The following MCM9 variants were observed in gnomAD, a reference collection of about 807,000 sequenced individuals.
The protein encoded by MCM9 is minichromosome maintenance 9 homologous recombination repair factor.
MCM9 carries 55 observed loss-of-function variants against 72.8 expected under a neutral mutation model. The ratio of observed to expected loss-of-function variants is 0.76; its 90% CI spans 0.61 to 0.95. The LOEUF is 0.95. MCM9 is among the 40% of genes least tolerant of loss of function. The probability of loss-of-function intolerance (pLI) is 0.00; values close to 1 mark genes in which losing one functional copy is unlikely to be tolerated. For synonymous variants in MCM9, 480 were observed against 503.4 expected (o/e 0.95, Z 0.62); for missense variants, 1,279 against 1,377.0 (o/e 0.93, Z 1.13).
chr6:118,889,348 C>T (rs1778802945), intron 8 of MCM9, among the ~76,000 whole-genome samples: 1 of 152,254 alleles, frequency 6.6e-6, no homozygotes, highest in Admixed American at 6.5e-5. Context: ...CCAAGCGTCA[C>T]TCCATCTAAT....
chr6:118,853,879 T>G (rs927057223), intron 9 of MCM9, among the ~76,000 whole-genome samples: 4 of 152,230 alleles, frequency 2.6e-5, no homozygotes, highest in African/African-American at 9.6e-5. Flanking sequence ...TTAAGTCTGA[T>G]AGATGAAACT....
At chr6:118,842,987 C>T (rs533835051) in intron 9 of MCM9, among the ~76,000 whole-genome samples, 1 of 152,252 alleles carries the variant, frequency 6.6e-6, no homozygotes, top group Admixed American at 6.5e-5. Flanking sequence ...TCTTCACAAG[C>T]ATGTATTGAT....
At chr6:118,849,040 T>C (rs1201482960) in intron 9 of MCM9, among the ~76,000 whole-genome samples, 1 of 151,932 alleles carries the variant, frequency 6.6e-6, no homozygotes, top group Non-Finnish European at 1.5e-5. Flanking sequence ...TGTGCTTACC[T>C]AACACATTAA....
intron 9 of MCM9, among the ~76,000 whole-genome samples, chr6:118,843,204 A>G (rs1000612851): frequency 2.6e-5 from 4 of 152,126 alleles, no homozygotes; most frequent in Admixed American, 2.6e-4. Context: ...CCACAGGAAA[A>G]CACTGCATAA....
chr6:118,894,574 G>T, intron 8 of MCM9: 1 of 1,448,166 alleles, frequency 6.9e-7, no homozygotes, highest in East Asian at 2.5e-5. Flanking sequence ...TGCAGACGTT[G>T]AAAGTTTCCC....
At chr6:118,892,633 C>A (rs1054534641) in intron 8 of MCM9, among the ~76,000 whole-genome samples, 4 of 152,126 alleles carry the variant, frequency 2.6e-5, no homozygotes, top group Non-Finnish European at 5.9e-5. Flanking sequence ...AGTGTTAGGA[C>A]CAGCACTAAT....
rs150670385 is a variant in MCM9 at position 118,874,834 on chromosome 6, C to T, written c.1151-18289G>A. ...AAAATACATTACCTATTACCATTGG[C>T]CGGGCACAGTGGCTCACGCCTGTAA... On this transcript the variant is annotated intron_variant, in intron 8 of 13. Coordinates refer to ENST00000619706, the MANE Select transcript of MCM9 (RefSeq NM_017696.3). 5.3e-5 allele frequency among the ~76,000 whole-genome samples: 8 copies of T among 152,356 alleles called. No homozygotes were observed. In the South Asian group the frequency reaches 8.3e-4, roughly 16 times the overall value.
intron 8 of MCM9, among the ~76,000 whole-genome samples, chr6:118,877,282 T>C (rs1433915752): frequency 6.6e-6 from 1 of 152,190 alleles, no homozygotes; most frequent in Admixed American, 6.5e-5. Flanking sequence ...TGCAGATCTG[T>C]AAACAAAATA....
chr6:118,883,069 CAAA>C (rs36162403), intron 8 of MCM9, among the ~76,000 whole-genome samples: 3 of 46,152 alleles, frequency 6.5e-5, no homozygotes, highest in Non-Finnish European at 1.4e-4. Flanking sequence ...CTCAAAGATG[CAAA>C]AAAAAAAAAA....
At chr6:118,841,958 C>G (rs1008410026) in intron 9 of MCM9, among the ~76,000 whole-genome samples, 1 of 152,084 alleles carries the variant, frequency 6.6e-6, no homozygotes, top group Admixed American at 6.6e-5. Flanking sequence ...CCTCAGCCTC[C>G]AGAGTAGCTG....
At chr6:118,839,216 A>G (rs2114605955) in intron 9 of MCM9, among the ~76,000 whole-genome samples, 1 of 151,738 alleles carries the variant, frequency 6.6e-6, no homozygotes, top group South Asian at 2.1e-4. Flanking sequence ...TGATCAATTC[A>G]GCCATTGATA....
intron 9 of MCM9, among the ~76,000 whole-genome samples, chr6:118,846,831 T>A (rs1349637941): frequency 6.6e-6 from 1 of 151,738 alleles, no homozygotes; most frequent in East Asian, 1.9e-4. Context: ...TACCTACTAA[T>A]AATGATTCAG....
intron 8 of MCM9, among the ~76,000 whole-genome samples, chr6:118,883,697 GA>G (rs201334710): frequency 2.1e-4 from 30 of 144,874 alleles, no homozygotes; most frequent in East Asian, 1.0e-3. Flanking sequence ...AGTGCTGAAA[GA>G]AAAAAAAAAA....
chr6:118,904,868 T>C (rs1480078189), intron 8 of MCM9, among the ~76,000 whole-genome samples: 1 of 152,256 alleles, frequency 6.6e-6, no homozygotes, highest in Non-Finnish European at 1.5e-5. Flanking sequence ...AGACGGAGTC[T>C]CACTCTGTCG....
intron 9 of MCM9, among the ~76,000 whole-genome samples, chr6:118,832,122 G>A (rs1774602383): frequency 1.3e-5 from 2 of 152,126 alleles, no homozygotes; most frequent in African/African-American, 4.8e-5. Flanking sequence ...GTGCAGTGGA[G>A]CAATTACAGC....
At chr6:118,862,308 C>A (rs1776956122) in intron 8 of MCM9, among the ~76,000 whole-genome samples, 1 of 152,222 alleles carries the variant, frequency 6.6e-6, no homozygotes, top group Admixed American at 6.5e-5. Flanking sequence ...CTGGCCCCTG[C>A]CAGCTCCATG....
chr6:118,894,452 T>A (rs1271339737), intron 8 of MCM9: 3 of 1,537,174 alleles, frequency 2.0e-6, no homozygotes, highest in African/African-American at 1.4e-5. Context: ...TGGTGCTGGA[T>A]AACCCTTCTC....
intron 8 of MCM9, among the ~76,000 whole-genome samples, chr6:118,878,208 A>G (rs977516770): frequency 6.6e-5 from 10 of 152,144 alleles, no homozygotes; most frequent in African/African-American, 2.4e-4. Context: ...AGCTAAACAC[A>G]ATATGGAGAG....
rs190115065 is a variant in MCM9 at position 118,930,314 on chromosome 6, G to A, written c.304+1106C>T. Among the ~76,000 whole-genome samples, 83 of 152,080 alleles carry A rather than the reference G, an allele frequency of 5.5e-4. 1 individual carries two copies. Among genetic ancestry groups the A allele is most frequent in the Middle Eastern group, 3.4e-3 (1 of 294 alleles). ...TTTTTTGTAGAGACGGGGTTTCACC[G>A]TGTTAGCCAGGATGGTCTCGATTTC... On this transcript the variant is annotated intron_variant, in intron 3 of 13. Coordinates refer to ENST00000619706, the MANE Select transcript of MCM9 (RefSeq NM_017696.3).
Sources: gnomAD v4.1 joint callset for allele counts (sites outside exome capture counted in the v4.1 genomes callset) on GRCh38, gnomAD v4.1.1 for gene constraint, MANE v1.5 for transcripts, NCBI Gene and HGNC (gene_info 2026-07-23, HGNC 2026-07-21) for gene names.